The following GATAD1 variants were observed in gnomAD, a reference collection of about 807,000 sequenced individuals.
The protein encoded by GATAD1 is GATA zinc finger domain-containing protein 1.
GATAD1 carries 12 observed loss-of-function variants against 26.5 expected under a neutral mutation model. The observed-to-expected ratio is 0.45, with a 90% confidence interval of 0.29 to 0.73. GATAD1 has a LOEUF of 0.73. Among genes scored for constraint, GATAD1 ranks in the 30% least tolerant of loss-of-function variants. The pLI, the probability that GATAD1 is intolerant of heterozygous loss-of-function variation, is 0.10. For missense variants in GATAD1, 266 were observed against 342.1 expected, an observed-to-expected ratio of 0.78 and a Z score of 1.75; for synonymous variants, 129 against 133.1, an observed-to-expected ratio of 0.97 and a Z score of 0.21.
chr7:92,448,919 G>A, intron 2 of GATAD1, 42 bp downstream of exon 2: 1 of 1,581,890 alleles, frequency 6.3e-7, no homozygotes, highest in Non-Finnish European at 8.7e-7. Flanking sequence ...TAATGACGTT[G>A]TGTGTATCCT....
Position 92,456,565 on chromosome 7 carries a change from C to T in GATAD1, c.*3C>T. 1 of 1,602,954 alleles carries T rather than the reference C, an allele frequency of 6.2e-7. No individual in the cohort carries two copies. Among genetic ancestry groups the T allele is most frequent in the Non-Finnish European group, 8.5e-7 (1 of 1,171,986 alleles). On this transcript the variant is annotated 3_prime_UTR_variant, in exon 5 of 5. Coordinates refer to ENST00000287957, the MANE Select transcript of GATAD1 (RefSeq NM_021167.5). ...AATCAGTTGCCAACCATTTGTAGTT[C>T]ACAAATTAAAACTGGGTTTCCAGGC... is the stretch of plus-strand genomic sequence containing the variant.
the GATAD1 span, among the ~76,000 whole-genome samples, chr7:92,476,648 T>C: frequency 1.3e-5 from 2 of 152,052 alleles, no homozygotes; most frequent in Non-Finnish European, 2.9e-5. Context: ...TCTCACTGTC[T>C]CTCTCTCCTC....
intron 3 of GATAD1, among the ~76,000 whole-genome samples, chr7:92,452,036 C>A (rs1789457321): frequency 6.6e-6 from 1 of 152,220 alleles, no homozygotes; most frequent in Non-Finnish European, 1.5e-5. Flanking sequence ...GTTACTACCT[C>A]AGTGGGTCAA....
the GATAD1 span, chr7:92,472,896 T>C: frequency 6.6e-6 from 1 of 152,172 alleles, no homozygotes; most frequent in Non-Finnish European, 1.5e-5. Flanking sequence ...AGCGCTTGGG[T>C]GGCTTGATGG....
At position 92,456,684 on chromosome 7, in the gene GATAD1, A is replaced by G; in HGVS notation, c.*122A>G. 1 of 580,256 alleles carries G rather than the reference A, an allele frequency of 1.7e-6. No individual in the cohort carries two copies. Among genetic ancestry groups the G allele is most frequent in the Non-Finnish European group, 3.0e-6 (1 of 331,610 alleles). 35.9% of individuals were successfully genotyped at this position (580,256 alleles called of 1,614,324 possible). A position where few individuals can be genotyped will look rare whatever the true frequency, so the allele number is the denominator to read the frequency against. On this transcript the variant is annotated 3_prime_UTR_variant, in exon 5 of 5. Transcript: ENST00000287957. ...CAGATTCTCTTTCTTAAAAAACCAC[A>G]AAAAAACTGGATTTCCAGTTCTCTA...
intron 2 of GATAD1, chr7:92,449,197 G>A (rs773062488): frequency 5.8e-5 from 58 of 1,006,640 alleles, no homozygotes; most frequent in Non-Finnish European, 6.7e-5. Context: ...AGAGATTATG[G>A]TTCTTGATAT....
the GATAD1 span, chr7:92,471,620 T>C: frequency 6.6e-6 from 1 of 152,212 alleles, no homozygotes; most frequent in Non-Finnish European, 1.5e-5. Context: ...TAAGCATTTC[T>C]AATGGAGGGT....
At chr7:92,489,432 A>G in the GATAD1 span, 3 of 1,611,646 alleles carry the variant, frequency 1.9e-6, no homozygotes, top group South Asian at 3.3e-5. Flanking sequence ...TCCTTAAGTA[A>G]AAAAAGAAAT....
rs1406216576 is a variant in GATAD1 at position 92,456,808 on chromosome 7, A to G, written c.*246A>G. 1 of 413,340 alleles carries G rather than the reference A, an allele frequency of 2.4e-6. No homozygotes were observed. The allele number at this position is 413,340 out of a possible 1,614,324, so 25.6% of individuals were successfully genotyped here. A position where few individuals can be genotyped will look rare whatever the true frequency, so the allele number is the denominator to read the frequency against. ...TTTTTCTCCTGCTACCTAGTAATAA[A>G]CAAATCATTGTTTATTACTGGTCAC... On this transcript the variant is annotated 3_prime_UTR_variant, in exon 5 of 5. Coordinates refer to ENST00000287957, the MANE Select transcript of GATAD1 (RefSeq NM_021167.5).
At chr7:92,466,003 C>CA in the GATAD1 span, among the ~76,000 whole-genome samples, 8 of 150,988 alleles carry the variant, frequency 5.3e-5, no homozygotes, top group African/African-American at 1.9e-4. Context: ...GACTCGGTCT[C>CA]AAAAAAAAGA....
chr7:92,469,799 T>C, the GATAD1 span: 6 of 766,536 alleles, frequency 7.8e-6, no homozygotes, highest in South Asian at 6.7e-5. Flanking sequence ...ACATATGGCC[T>C]GAAGTTCAGG....
At chr7:92,479,698 G>T in the GATAD1 span, among the ~76,000 whole-genome samples, 1 of 152,134 alleles carries the variant, frequency 6.6e-6, no homozygotes, top group Non-Finnish European at 1.5e-5. Context: ...GTTTCTCAGG[G>T]CTGCTTCGAG....
the GATAD1 span, among the ~76,000 whole-genome samples, chr7:92,478,229 C>T: frequency 6.6e-6 from 1 of 152,150 alleles, no homozygotes; most frequent in African/African-American, 2.4e-5. Context: ...GGCGTTTTGC[C>T]CTCATCCCAG....
At chr7:92,489,447 G>A in the GATAD1 span, 11 of 1,604,866 alleles carry the variant, frequency 6.9e-6, no homozygotes, top group East Asian at 8.9e-5. Context: ...AGAAATTGAC[G>A]AAGAGTTAAA....
the GATAD1 span, chr7:92,489,619 T>C: frequency 8.4e-7 from 1 of 1,187,494 alleles, no homozygotes; most frequent in Non-Finnish European, 1.2e-6. Context: ...TGTTTATAAA[T>C]ATAGCTCGTT....
At chr7:92,451,615 A>G (rs1433888856) in intron 3 of GATAD1, among the ~76,000 whole-genome samples, 1 of 152,240 alleles carries the variant, frequency 6.6e-6, no homozygotes, top group Non-Finnish European at 1.5e-5. Flanking sequence ...ACAGGGGTAC[A>G]CTGGCATTCC....
At chr7:92,452,911 A>G (rs1464419927) in intron 3 of GATAD1, among the ~76,000 whole-genome samples, 3 of 152,266 alleles carry the variant, frequency 2.0e-5, no homozygotes, top group Non-Finnish European at 2.9e-5. Flanking sequence ...ATTTGGGAAT[A>G]TTGATTATAC....
chr7:92,452,074 C>T (rs1196019611), intron 3 of GATAD1, among the ~76,000 whole-genome samples: 1 of 152,240 alleles, frequency 6.6e-6, no homozygotes, highest in Non-Finnish European at 1.5e-5. Context: ...AAGCACTTAG[C>T]AGAGTAAGCA....
At chr7:92,455,666 A>G (rs561317994) in intron 4 of GATAD1, among the ~76,000 whole-genome samples, 60 of 152,324 alleles carry the variant, frequency 3.9e-4, no homozygotes, top group African/African-American at 1.4e-3. Flanking sequence ...CATCCTGAGA[A>G]CAAGCATAAG....
Sources: gnomAD v4.1 joint callset for allele counts (sites outside exome capture counted in the v4.1 genomes callset) on GRCh38, gnomAD v4.1.1 for gene constraint, MANE v1.5 for transcripts, NCBI Gene and HGNC (gene_info 2026-07-23, HGNC 2026-07-21) for gene names.